PRKD1: variants seen among roughly 807,000 people sequenced by gnomAD.
PRKD1 encodes the protein serine/threonine-protein kinase D1.
A neutral mutation model predicts 95.9 loss-of-function variants in PRKD1; 63 were observed. The observed-to-expected ratio is 0.66, with a 90% CI of 0.54 to 0.81. The LOEUF (loss-of-function observed/expected upper bound fraction) is 0.81, where lower values mean the gene tolerates loss of function less well. PRKD1 is among the 30% of genes least tolerant of loss of function. The pLI is 0.00. For synonymous variants in PRKD1, 425 were observed against 423.1 expected (o/e 1.00, Z -0.05); for missense variants, 1,048 against 1,165.3 (o/e 0.90, Z 1.47).
At chr14:29,587,326 A>G (rs1437113909) in intron 16 of PRKD1, among the ~76,000 whole-genome samples, 1 of 152,196 alleles carries the variant, frequency 6.6e-6, no homozygotes, top group Admixed American at 6.5e-5. Flanking sequence ...GATTTTTAAC[A>G]TCCTGTATTT....
chr14:29,876,557 G>A (rs1893297028), intron 1 of PRKD1, among the ~76,000 whole-genome samples: 1 of 151,392 alleles, frequency 6.6e-6, no homozygotes, highest in Non-Finnish European at 1.5e-5. Flanking sequence ...TAGACAAACA[G>A]AACTTCATCA....
At chr14:29,749,075 CTG>C (rs906699106) in intron 1 of PRKD1, among the ~76,000 whole-genome samples, 23 of 152,050 alleles carry the variant, frequency 1.5e-4, no homozygotes, top group African/African-American at 4.6e-4. Context: ...ATAAAAAAGA[CTG>C]TATTGTCTTT....
At chr14:29,612,087 T>C (rs1878508852) in intron 13 of PRKD1, among the ~76,000 whole-genome samples, 1 of 152,202 alleles carries the variant, frequency 6.6e-6, no homozygotes, top group South Asian at 2.1e-4. Context: ...ATGTATTATA[T>C]ACCAGATAAT....
chr14:29,836,351 TG>T (rs986881972), intron 1 of PRKD1, among the ~76,000 whole-genome samples: 9 of 152,246 alleles, frequency 5.9e-5, no homozygotes, highest in African/African-American at 2.2e-4. Flanking sequence ...ATATGATAAC[TG>T]GAAGTAGGAT....
At chr14:29,724,453 A>C (rs1566562444) in intron 2 of PRKD1, among the ~76,000 whole-genome samples, 1 of 152,196 alleles carries the variant, frequency 6.6e-6, no homozygotes, top group Non-Finnish European at 1.5e-5. Flanking sequence ...AGGTGCAGGC[A>C]ACAGAAAAAT....
chr14:29,845,555 T>G (rs1212862203), intron 1 of PRKD1, among the ~76,000 whole-genome samples: 3 of 152,150 alleles, frequency 2.0e-5, no homozygotes, highest in African/African-American at 7.2e-5. Flanking sequence ...AAAACACAAG[T>G]AAATGGAAGA....
At chr14:29,668,140 T>G (rs1882628049) in intron 2 of PRKD1, among the ~76,000 whole-genome samples, 1 of 152,156 alleles carries the variant, frequency 6.6e-6, no homozygotes, top group Non-Finnish European at 1.5e-5. Context: ...ATCCATTCAT[T>G]ATGAATTTAC....
At chr14:29,781,735 T>A (rs1430078688) in intron 1 of PRKD1, among the ~76,000 whole-genome samples, 1 of 152,236 alleles carries the variant, frequency 6.6e-6, no homozygotes, top group Non-Finnish European at 1.5e-5. Flanking sequence ...ATTTTGTATA[T>A]TCAGAGATTC....
chr14:29,732,557 A>T (rs1314479428), intron 1 of PRKD1, among the ~76,000 whole-genome samples: 1 of 151,908 alleles, frequency 6.6e-6, no homozygotes, highest in Non-Finnish European at 1.5e-5. Context: ...TATTTCTGTC[A>T]CTCTTCATGG....
intron 1 of PRKD1, among the ~76,000 whole-genome samples, chr14:29,763,051 A>C (rs771926034): frequency 2.7e-5 from 4 of 150,642 alleles, no homozygotes; most frequent in Non-Finnish European, 5.9e-5. Context: ...GCCTATGCTA[A>C]GGTGTTTAAA....
rs540692326 is a variant in PRKD1, at chr14:29,763,592, G to C, written c.265-37918C>G. Among the ~76,000 whole-genome samples the C allele has an allele frequency of 2.0e-5, 3 of 152,258 alleles. No individual in the cohort carries two copies. In the East Asian group the frequency reaches 5.8e-4, roughly 29 times the overall value. ...TGTTCCTGGTGGTAGGTGAAGGACA[G>C]AGAAAGAAAGGCAGAAGTAGCCTCA... On this transcript the variant is annotated intron_variant, in intron 1 of 17. Transcript: ENST00000331968.
At chr14:29,620,116 GCCAT>G (rs1594367751) in intron 13 of PRKD1, among the ~76,000 whole-genome samples, 1 of 151,528 alleles carries the variant, frequency 6.6e-6, no homozygotes, top group East Asian at 2.0e-4. Flanking sequence ...AAACTGGCTA[GCCAT>G]ATGTAGAAAG....
chr14:29,668,405 C>T (rs976693612), intron 2 of PRKD1, among the ~76,000 whole-genome samples: 2 of 152,132 alleles, frequency 1.3e-5, no homozygotes, highest in Non-Finnish European at 2.9e-5. Context: ...TAAATTAAAA[C>T]CATATGACAG....
chr14:29,609,812 GC>G (rs1878327369), intron 13 of PRKD1, among the ~76,000 whole-genome samples: 1 of 149,442 alleles, frequency 6.7e-6, no homozygotes, highest in Non-Finnish European at 1.5e-5. Flanking sequence ...GTCTGCCTCA[GC>G]CTCCCAAAGT....
At chr14:29,912,583 C>T (rs889727781) in intron 1 of PRKD1, among the ~76,000 whole-genome samples, 1 of 152,212 alleles carries the variant, frequency 6.6e-6, no homozygotes, top group South Asian at 2.1e-4. Context: ...ACATCTTAAG[C>T]AAATATGCGC....
chr14:29,752,183 A>G (rs1256519911), intron 1 of PRKD1, among the ~76,000 whole-genome samples: 2 of 152,204 alleles, frequency 1.3e-5, no homozygotes, highest in East Asian at 1.9e-4. Context: ...TTTACAATAA[A>G]TGTGTTTCAC....
chr14:29,916,774 C>A (rs2139131029), intron 1 of PRKD1, among the ~76,000 whole-genome samples: 1 of 152,316 alleles, frequency 6.6e-6, no homozygotes, highest in East Asian at 1.9e-4. Context: ...CCTCACCTTT[C>A]TGTAGGCTAA....
intron 4 of PRKD1, among the ~76,000 whole-genome samples, chr14:29,651,540 T>C (rs1046586727): frequency 7.2e-5 from 11 of 152,078 alleles, no homozygotes; most frequent in Non-Finnish European, 1.5e-4. Flanking sequence ...GACACAAATA[T>C]TTTAGAGGCT....
At chr14:29,594,033 C>A in intron 16 of PRKD1, 1 of 407,140 alleles carries the variant, frequency 2.5e-6, no homozygotes, top group East Asian at 7.3e-5. Flanking sequence ...ATTTCAAGAT[C>A]ATGAAACCTC....
Sources: gnomAD v4.1 joint callset for allele counts (sites outside exome capture counted in the v4.1 genomes callset) on GRCh38, gnomAD v4.1.1 for gene constraint, MANE v1.5 for transcripts, NCBI Gene and HGNC (gene_info 2026-07-23, HGNC 2026-07-21) for gene names.